ETFDH: variants seen among roughly 807,000 people sequenced by gnomAD.
ETFDH encodes electron transfer flavoprotein dehydrogenase, also known as electron transfer flavoprotein-ubiquinone oxidoreductase, mitochondrial.
ETFDH carries 61 observed loss-of-function variants against 73.2 expected under a neutral mutation model. The ratio of observed to expected loss-of-function variants is 0.83; its 90% CI spans 0.68 to 1.03. The LOEUF (loss-of-function observed/expected upper bound fraction) is 1.03, where lower values mean the gene tolerates loss of function less well. Among genes scored for constraint, ETFDH ranks in the 50% least tolerant of loss-of-function variants. ETFDH has a pLI of 0.00. For missense variants in ETFDH, 685 were observed against 745.0 expected (o/e 0.92, Z 0.94); for synonymous variants, 243 against 253.3 (o/e 0.96, Z 0.39).
intron 5 of ETFDH, among the ~76,000 whole-genome samples, chr4:158,687,412 C>T (rs1292797785): frequency 2.0e-5 from 3 of 152,236 alleles, no homozygotes; most frequent in African/African-American, 4.8e-5. Context: ...GTTTCTGAGC[C>T]TCAACATCAG....
In ETFDH at chr4:158,690,264, A is replaced by G. The variant is rs180796194; in HGVS notation, c.607-84A>G. Reference sequence around the variant, plus strand: ...AATCTAGAGAAGATGTTCACCTTCTAAGAAACCTAAGGCTGTTTACTGTTT... The same window carrying G: ...AATCTAGAGAAGATGTTCACCTTCTGAGAAACCTAAGGCTGTTTACTGTTT... On this transcript the variant is annotated intron_variant, in intron 5 of 12. Transcript: ENST00000511912. 2.9e-4 allele frequency: 228 copies of G among 796,736 alleles called. No individual in the cohort carries two copies. The East Asian group carries it at 4.4e-3, about 15-fold the overall frequency. The allele number at this position is 796,736 out of a possible 1,614,324, so 49.4% of individuals were successfully genotyped here.
At chr4:158,692,530 G>A (rs936225901) in intron 6 of ETFDH, among the ~76,000 whole-genome samples, 2 of 151,850 alleles carry the variant, frequency 1.3e-5, no homozygotes, top group African/African-American at 4.8e-5. Context: ...CTAAGAAGCT[G>A]TTTTTTAACA....
intron 1 of ETFDH, 72 bp from the exon 2 acceptor site, chr4:158,680,395 A>T: frequency 9.7e-7 from 1 of 1,034,434 alleles, no homozygotes; most frequent in Non-Finnish European, 1.5e-6. Context: ...ATAGTCATTC[A>T]CTTATATTTT....
rs183461610 is a variant in ETFDH, at chr4:158,681,387, T to C, written c.175+780T>C. On this transcript the variant is annotated intron_variant, in intron 2 of 12. Coordinates refer to ENST00000511912, the MANE Select transcript of ETFDH (RefSeq NM_004453.4). ...TGTTTGTGTTTTAGCTAAGTGTTAT[T>C]ACAAGAGAGTCAAAAAGTTTAAAAC... Among the ~76,000 whole-genome samples, 166 of 152,336 alleles carry C rather than the reference T, an allele frequency of 1.1e-3. 1 individual carries two copies. The highest frequency in any genetic ancestry group is 1.6e-3 in the Non-Finnish European group (108 of 68,026).
intron 6 of ETFDH, among the ~76,000 whole-genome samples, chr4:158,693,337 T>A (rs1774226697): frequency 6.6e-6 from 1 of 152,182 alleles, no homozygotes; most frequent in Admixed American, 6.5e-5. Flanking sequence ...AATATGCATC[T>A]TATCATAAGA....
At chr4:158,672,959 A>G (rs1773615375) in intron 1 of ETFDH, among the ~76,000 whole-genome samples, 1 of 152,220 alleles carries the variant, frequency 6.6e-6, no homozygotes, top group Non-Finnish European at 1.5e-5. Context: ...GTTAACATTC[A>G]TATGTTGACC....
chr4:158,683,808 G>A (rs995743619), intron 3 of ETFDH, among the ~76,000 whole-genome samples: 17 of 151,904 alleles, frequency 1.1e-4, no homozygotes, highest in Admixed American at 9.2e-4. Context: ...CACTAGCTTC[G>A]GCCTCCCAAA....
chr4:158,685,230 T>C lies in ETFDH; in HGVS notation c.606+11T>C. 1 of 1,407,354 alleles carries C rather than the reference T, an allele frequency of 7.1e-7. No individual in the cohort carries two copies. Among genetic ancestry groups the C allele is most frequent in the Non-Finnish European group, 1.0e-6 (1 of 991,830 alleles). The allele number at this position is 1,407,354 out of a possible 1,614,324, so 87.2% of individuals were successfully genotyped here. On this transcript the variant is annotated intron_variant, in intron 5 of 12. Transcript: ENST00000511912. ...TATGCAGCTGCTGAGGTTTGTATAG[T>C]TTTGTTTTGTTTTAATATTTATAGG...
chr4:158,701,898 A>G (rs1774470995), intron 9 of ETFDH, among the ~76,000 whole-genome samples: 1 of 152,208 alleles, frequency 6.6e-6, no homozygotes, highest in African/African-American at 2.4e-5. Flanking sequence ...AAACTGAAAA[A>G]TATCCCACCC....
intron 5 of ETFDH, among the ~76,000 whole-genome samples, chr4:158,685,772 C>T (rs147026273): frequency 3.0e-4 from 46 of 152,266 alleles, no homozygotes; most frequent in African/African-American, 1.1e-3. Context: ...CCCGATAACC[C>T]AGTGAGGTCC....
In ETFDH at chr4:158,708,495, G is replaced by A. The variant is rs1774703654; in HGVS notation, c.1822G>A (p.Gly608Ser). The A allele has an allele frequency of 6.2e-7, 1 of 1,613,730 alleles. No individual in the cohort carries two copies. Among genetic ancestry groups the A allele is most frequent in the Non-Finnish European group, 8.5e-7 (1 of 1,179,672 alleles). The change falls in exon 13 of 13, where the codon GGT becomes AGT. Residue 608 changes from glycine to serine, a missense_variant. By Grantham distance (56) the Gly-to-Ser change is moderately conservative. Coordinates refer to ENST00000511912, the MANE Select transcript of ETFDH (RefSeq NM_004453.4). ...SQNINWVVPEGGGGPAYNGM is the reference protein window; with the variant it reads ...SQNINWVVPESGGGPAYNGM ...GAATATTAACTGGGTGGTACCTGAA[G>A]GTGGAGGAGGACCTGCTTACAATGG... is the stretch of plus-strand genomic sequence containing the variant.
At chr4:158,705,473 A>G (rs980347664) in intron 10 of ETFDH, among the ~76,000 whole-genome samples, 1 of 152,228 alleles carries the variant, frequency 6.6e-6, no homozygotes, top group Non-Finnish European at 1.5e-5. Context: ...GTCACAGTCT[A>G]AGGTACTGGA....
chr4:158,704,288 T>C (rs1296425331), intron 10 of ETFDH, among the ~76,000 whole-genome samples: 2 of 152,248 alleles, frequency 1.3e-5, no homozygotes, highest in Admixed American at 6.5e-5. Flanking sequence ...TAGCAAGCTT[T>C]GTAAGTATAG....
chr4:158,707,957 G>T (rs1365255965), intron 12 of ETFDH, among the ~76,000 whole-genome samples: 2 of 152,232 alleles, frequency 1.3e-5, no homozygotes, highest in Admixed American at 6.5e-5. Context: ...CATCACATTT[G>T]TGGGTGAAAT....
At chr4:158,680,446 A>G (rs1773822996) in intron 1 of ETFDH, 21 bp from the exon 2 acceptor site, 3 of 1,583,476 alleles carry the variant, frequency 1.9e-6, no homozygotes, top group Admixed American at 1.7e-5. Context: ...GAAGATAATA[A>G]TTTTCGTAAT....
At chr4:158,685,673 T>A (rs1321578366) in intron 5 of ETFDH, among the ~76,000 whole-genome samples, 1 of 152,124 alleles carries the variant, frequency 6.6e-6, no homozygotes, top group African/African-American at 2.4e-5. Flanking sequence ...CCTCTGAAGG[T>A]TCACCAGAAA....
In ETFDH at chr4:158,695,644, G is replaced by T; in HGVS notation, c.831+1G>T. On this transcript the variant is annotated splice_donor_variant, in intron 7 of 12. Coordinates refer to ENST00000511912, the MANE Select transcript of ETFDH (RefSeq NM_004453.4). LOFTEE classifies it high-confidence loss of function. ...AACCTACGGGATTGGACTGAAGGAG[G>T]TATCCTGGTTTGTTTCTGTAATTTT... is the stretch of plus-strand genomic sequence containing the variant. 6.2e-7 allele frequency: 1 copy of T among 1,603,686 alleles called. No individual in the cohort carries two copies. Among genetic ancestry groups the T allele is most frequent in the Non-Finnish European group, 8.5e-7 (1 of 1,170,704 alleles).
intron 2 of ETFDH, 115 bp downstream of exon 2, chr4:158,680,722 G>T: frequency 1.1e-6 from 1 of 897,042 alleles, no homozygotes. Flanking sequence ...ATATTTTGTG[G>T]CTTTACCAAG....
intron 1 of ETFDH, among the ~76,000 whole-genome samples, chr4:158,678,582 C>G (rs1773768497): frequency 6.6e-6 from 1 of 151,902 alleles, no homozygotes; most frequent in South Asian, 2.1e-4. Flanking sequence ...TTGTTAGAAG[C>G]TACTCAATAA....
Sources: gnomAD v4.1 joint callset for allele counts (sites outside exome capture counted in the v4.1 genomes callset) on GRCh38, gnomAD v4.1.1 for gene constraint, MANE v1.5 for transcripts, NCBI Gene and HGNC (gene_info 2026-07-23, HGNC 2026-07-21) for gene names.